The following PCDHA10 variants were observed in gnomAD, a reference collection of about 807,000 sequenced individuals.
The protein encoded by PCDHA10 is protocadherin alpha 10.
A neutral mutation model predicts 61.2 loss-of-function variants in PCDHA10; 45 were observed. The observed-to-expected ratio is 0.74, with a 90% CI of 0.58 to 0.94. The LOEUF (loss-of-function observed/expected upper bound fraction) is 0.94. Ranked by LOEUF, PCDHA10 falls within the 40% of genes least tolerant of loss-of-function variation. PCDHA10 has a pLI of 0.00. For synonymous variants in PCDHA10, 602 were observed against 548.8 expected, an observed-to-expected ratio of 1.10 and a Z score of -1.35; for missense variants, 1,278 against 1,236.2, an observed-to-expected ratio of 1.03 and a Z score of -0.51.
At chr5:140,876,861 C>A in intron 1 of PCDHA10, 2 of 1,614,088 alleles carry the variant, frequency 1.2e-6, no homozygotes, top group Non-Finnish European at 1.7e-6. Flanking sequence ...ACACAGTGTT[C>A]GTGAAGGAGA....
intron 1 of PCDHA10, chr5:140,869,668 A>G (rs540975019): frequency 1.2e-6 from 2 of 1,613,544 alleles, no homozygotes; most frequent in African/African-American, 1.3e-5. Context: ...TGGTAAGCAG[A>G]TTAAAAGACT....
intron 1 of PCDHA10, among the ~76,000 whole-genome samples, chr5:140,887,278 A>G (rs782205714): frequency 5.9e-5 from 9 of 151,950 alleles, no homozygotes; most frequent in Non-Finnish European, 8.8e-5. Flanking sequence ...TTGTATTTTT[A>G]GTAGAGATGG....
chr5:140,961,464 C>G (rs1364555316), intron 1 of PCDHA10, among the ~76,000 whole-genome samples: 1 of 152,126 alleles, frequency 6.6e-6, no homozygotes, highest in Non-Finnish European at 1.5e-5. Flanking sequence ...AGCTGCCTTT[C>G]TTTTTTTGTC....
chr5:140,927,031 GC>G, intron 1 of PCDHA10: 6 of 1,612,410 alleles, frequency 3.7e-6, no homozygotes, highest in Non-Finnish European at 5.1e-6. Flanking sequence ...GAGGCTGCCA[GC>G]GGCCGCTATG....
chr5:140,865,936 A>G (rs1279027190), intron 1 of PCDHA10: 2 of 152,184 alleles, frequency 1.3e-5, no homozygotes, highest in Non-Finnish European at 2.9e-5. Flanking sequence ...AAGAAACTTC[A>G]TGATTGTCTT....
intron 1 of PCDHA10, among the ~76,000 whole-genome samples, chr5:140,894,069 T>C (rs1209752630): frequency 2.6e-5 from 4 of 152,196 alleles, no homozygotes; most frequent in African/African-American, 9.6e-5. Flanking sequence ...TTTAAATACA[T>C]TTATTTTATT....
chr5:140,932,261 T>C (rs1554208805), intron 1 of PCDHA10, among the ~76,000 whole-genome samples: 1 of 151,922 alleles, frequency 6.6e-6, no homozygotes, highest in East Asian at 1.9e-4. Context: ...CTCTGAGATA[T>C]AAATTTCTAC....
At chr5:140,996,802 T>C (rs1554255415) in intron 3 of PCDHA10, among the ~76,000 whole-genome samples, 1 of 152,218 alleles carries the variant, frequency 6.6e-6, no homozygotes, top group Non-Finnish European at 1.5e-5. Flanking sequence ...CATCCAATCA[T>C]GCTTTCCAAA....
intron 1 of PCDHA10, 184 bp downstream of exon 1, chr5:140,858,620 C>T (rs570456010): frequency 8.8e-7 from 1 of 1,142,316 alleles, no homozygotes; most frequent in Non-Finnish European, 1.2e-6. Context: ...TTATCCTACC[C>T]AGTGTGTCAG....
At position 140,863,376 on chromosome 5, in the gene PCDHA10, C is replaced by A. The variant is rs781824830; in HGVS notation, c.2388+4940C>A. The A allele has an allele frequency of 5.3e-6, 6 of 1,123,238 alleles. No individual in the cohort carries two copies. The Admixed American group carries it at 5.5e-5, about 10-fold the overall frequency. 69.6% of individuals were successfully genotyped at this position (1,123,238 alleles called of 1,614,324 possible). On this transcript the variant is annotated intron_variant, in intron 1 of 3. Transcript: ENST00000307360. ...CGCTGCGGTGCTTGGCGCAGCTCAC[C>A]GAGAGCTCGTGCATGCCGGGCAAGC... is the stretch of plus-strand genomic sequence containing the variant.
At chr5:141,006,813 T>C (rs1171771789) in intron 3 of PCDHA10, among the ~76,000 whole-genome samples, 1 of 152,018 alleles carries the variant, frequency 6.6e-6, no homozygotes, top group African/African-American at 2.4e-5. Flanking sequence ...GCTTGAGAAA[T>C]GGGGTAAATG....
At position 140,992,594 on chromosome 5, in the gene PCDHA10, G is replaced by T. The variant is rs782416770; in HGVS notation, c.2536+10031G>T. On this transcript the variant is annotated intron_variant, in intron 3 of 3. Coordinates refer to ENST00000307360, the MANE Select transcript of PCDHA10 (RefSeq NM_018901.4). ...ATTGCCTGCCTTGTATGCATCTAGC[G>T]TCTGTGTCTAAGTGAAAGCAGATTA... Among the ~76,000 whole-genome samples, 5 of 152,266 alleles carry T rather than the reference G, an allele frequency of 3.3e-5. No individual in the cohort carries two copies. The East Asian group carries it at 7.7e-4, about 24-fold the overall frequency.
intron 1 of PCDHA10, among the ~76,000 whole-genome samples, chr5:140,886,739 T>C (rs1411142692): frequency 6.6e-6 from 1 of 151,488 alleles, no homozygotes; most frequent in Non-Finnish European, 1.5e-5. Context: ...AGCAAGAGAA[T>C]TGCTTGAACC....
intron 1 of PCDHA10, among the ~76,000 whole-genome samples, chr5:140,893,506 A>AT (rs1270469461): frequency 6.6e-6 from 1 of 152,170 alleles, no homozygotes; most frequent in African/African-American, 2.4e-5. Context: ...AGAAAAAAAA[A>AT]GCAGTTGTAG....
At position 140,856,560 on chromosome 5, in the gene PCDHA10, T is replaced by G. The variant is rs782375648; in HGVS notation, c.512T>G (p.Leu171Arg). 94 of 1,597,798 alleles carry G rather than the reference T, an allele frequency of 5.9e-5. 1 individual carries two copies. ...GAGAACGCATTGCTTACTTACAAAC[T>G]CAGTCCAAATGAGTATTTTGTTCTT... ...VGENALLTYK[L>R]SPNEYFVLDI... Residue 171 changes from leucine (L) to arginine (R), a missense_variant, in exon 1 of 4, where the codon CTC (leucine) becomes CGC (arginine). Transcript: ENST00000307360.
chr5:140,920,583 C>A (rs1287573835), intron 1 of PCDHA10, among the ~76,000 whole-genome samples: 1 of 152,106 alleles, frequency 6.6e-6, no homozygotes, highest in African/African-American at 2.4e-5. Context: ...CAGTGGCTCA[C>A]GCCTGTAATC....
intron 1 of PCDHA10, among the ~76,000 whole-genome samples, chr5:140,910,741 ATAAAT>A (rs2075151736): frequency 6.6e-6 from 1 of 152,142 alleles, no homozygotes; most frequent in African/African-American, 2.4e-5. Flanking sequence ...AACCAAGCAC[ATAAAT>A]TATCAGAACC....
intron 1 of PCDHA10, among the ~76,000 whole-genome samples, chr5:140,945,772 T>C (rs538344111): frequency 1.3e-5 from 2 of 152,110 alleles, no homozygotes; most frequent in Non-Finnish European, 2.9e-5. Flanking sequence ...GACAATTTGA[T>C]ATCCAGATGC....
chr5:140,964,952 T>C (rs868971882), intron 1 of PCDHA10, among the ~76,000 whole-genome samples: 1 of 152,190 alleles, frequency 6.6e-6, no homozygotes, highest in South Asian at 2.1e-4. Flanking sequence ...TGAGTGTGCT[T>C]GGTTGGTGGA....
Sources: gnomAD v4.1 joint callset for allele counts (sites outside exome capture counted in the v4.1 genomes callset) on GRCh38, gnomAD v4.1.1 for gene constraint, MANE v1.5 for transcripts, NCBI Gene and HGNC (gene_info 2026-07-23, HGNC 2026-07-21) for gene names.